The following COL1A2 variants were observed in gnomAD, a reference collection of about 807,000 sequenced individuals.
COL1A2 encodes the protein collagen type I alpha 2 chain.
In COL1A2, 49 loss-of-function variants were observed where a neutral mutation model predicts 174.3. That is an observed-to-expected ratio of 0.28 (90% CI 0.22 to 0.36). COL1A2 has a LOEUF of 0.36. COL1A2 is among the 10% of genes least tolerant of loss of function. The pLI, the probability that COL1A2 is intolerant of heterozygous loss-of-function variation, is 1.00. For synonymous variants in COL1A2, 655 were observed against 606.6 expected, an observed-to-expected ratio of 1.08 and a Z score of -1.17; for missense variants, 1,438 against 1,822.7, an observed-to-expected ratio of 0.79 and a Z score of 3.84.
chr7:94,416,307 C>A, intron 30 of COL1A2, 98 bp from the exon 31 acceptor site: 2 of 1,059,450 alleles, frequency 1.9e-6, no homozygotes, highest in South Asian at 3.0e-5. Context: ...AAATGCAAAC[C>A]AGGGCTCGGA....
Position 94,427,871 on chromosome 7 carries a change from C to T in COL1A2, c.3512C>T (p.Pro1171Leu), listed in dbSNP as rs555926867. Reference protein sequence around the residue: ...RTCRDLRLSHPEWSSGYYWID... With the variant: ...RTCRDLRLSHLEWSSGYYWID... ...TGCCGTGACTTGAGACTCAGCCACC[C>T]AGAGTGGAGCAGTGGTAGGTCAAGA... The change falls in exon 49 of 52, where the codon CCA becomes CTA. Residue 1171 changes from proline to leucine, a missense_variant. Pro to Leu is a moderately conservative substitution (Grantham distance 98, BLOSUM62 -3). This residue lies in a region of COL1A2 where 290 missense variants were observed against 298.1 expected (regional missense o/e 0.97). Coordinates refer to ENST00000297268, the MANE Select transcript of COL1A2 (RefSeq NM_000089.4). 1 of 1,614,112 alleles carries T rather than the reference C, an allele frequency of 6.2e-7. No homozygotes were observed. The highest frequency in any genetic ancestry group is 2.2e-5 in the East Asian group (1 of 44,852).
At chr7:94,427,420 A>G (rs912836822) in intron 48 of COL1A2, 125 bp downstream of exon 48, 8 of 1,111,234 alleles carry the variant, frequency 7.2e-6, no homozygotes, top group Middle Eastern at 5.6e-4. Flanking sequence ...CCTCTAAAAT[A>G]TCTGGAAATT....
intron 42 of COL1A2, 60 bp from the exon 43 acceptor site, chr7:94,425,550 T>C (rs1187521753): frequency 2.0e-6 from 3 of 1,531,292 alleles, no homozygotes; most frequent in South Asian, 2.2e-5. Context: ...AGCTACAACA[T>C]AGGGGCTGGT....
At chr7:94,421,180 A>G in intron 38 of COL1A2, 118 bp downstream of exon 38, 2 of 984,392 alleles carry the variant, frequency 2.0e-6, no homozygotes, top group East Asian at 2.5e-5. Context: ...TTGAGATTCA[A>G]GTTCATTCTA....
At chr7:94,412,343 G>A (rs1246410758) in intron 24 of COL1A2, among the ~76,000 whole-genome samples, 1 of 151,838 alleles carries the variant, frequency 6.6e-6, no homozygotes, top group African/African-American at 2.4e-5. Context: ...AATTGAAGCA[G>A]GTGACAAGGG....
chr7:94,429,827 C>A (rs1189608823), intron 51 of COL1A2: 9 of 251,152 alleles, frequency 3.6e-5, no homozygotes, highest in Middle Eastern at 1.4e-3. Flanking sequence ...ATTAGTATGG[C>A]CTACATTTAA....
At position 94,398,589 on chromosome 7, in the gene COL1A2, CTG is replaced by C. The variant is rs1584312467; in HGVS notation, c.96+195_96+196del. Among the ~76,000 whole-genome samples, 3 of 151,764 alleles carry C rather than the reference CTG, an allele frequency of 2.0e-5. No individual in the cohort carries two copies. The East Asian group carries it at 5.8e-4, about 29-fold the overall frequency. On this transcript the variant is annotated intron_variant, in intron 3 of 51. Coordinates refer to ENST00000297268, the MANE Select transcript of COL1A2 (RefSeq NM_000089.4). ...AAGTTTAATTATCTTCTGGAATCATCTGTAATTACATTTATGTGATACAAACT... is the reference window on the plus strand; with the variant it reads ...AAGTTTAATTATCTTCTGGAATCATCTAATTACATTTATGTGATACAAACT...
At chr7:94,408,450 C>G in intron 15 of COL1A2, 70 bp downstream of exon 15, 1 of 1,515,178 alleles carries the variant, frequency 6.6e-7, no homozygotes, top group East Asian at 2.3e-5. Flanking sequence ...CTTCATTAAT[C>G]TCTTACGAAA....
At position 94,430,666 on chromosome 7, in the gene COL1A2, A is replaced by T. The variant is rs978280804; in HGVS notation, c.*273A>T. 5.0e-6 allele frequency: 2 copies of T among 402,870 alleles called. No homozygotes were observed. The highest frequency in any genetic ancestry group is 4.1e-5 in the African/African-American group (2 of 48,834). 25.0% of individuals were successfully genotyped at this position (402,870 alleles called of 1,614,324 possible). A position where few individuals can be genotyped will look rare whatever the true frequency, so the allele number is the denominator to read the frequency against. On this transcript the variant is annotated 3_prime_UTR_variant, in exon 52 of 52. Transcript: ENST00000297268. ...AAATGTCAACCTTTGTAAGAAAACCAAAATAAAAATTGAAAAATAAAAACC... is the reference window on the plus strand; with the variant it reads ...AAATGTCAACCTTTGTAAGAAAACCTAAATAAAAATTGAAAAATAAAAACC...
intron 50 of COL1A2, 56 bp from the exon 51 acceptor site, chr7:94,429,132 C>G: frequency 2.2e-6 from 2 of 893,378 alleles, no homozygotes; most frequent in Non-Finnish European, 1.6e-6. Flanking sequence ...TCATGTTTGA[C>G]TCTTAGTATC....
chr7:94,412,041 A>C, intron 23 of COL1A2, 27 bp from the exon 24 acceptor site: 1 of 1,597,778 alleles, frequency 6.3e-7, no homozygotes, highest in Non-Finnish European at 8.6e-7. Flanking sequence ...AAGTGCCAAT[A>C]TAAAAACATC....
At chr7:94,396,818 C>T (rs1791594300) in intron 1 of COL1A2, among the ~76,000 whole-genome samples, 1 of 152,146 alleles carries the variant, frequency 6.6e-6, no homozygotes, top group African/African-American at 2.4e-5. Flanking sequence ...CAGATGTTCT[C>T]ACTTCAAATA....
chr7:94,409,770 T>G lies in COL1A2; in HGVS notation c.984T>G (p.Gly328=). The G allele has an allele frequency of 6.2e-7, 1 of 1,614,158 alleles. No homozygotes were observed. Among genetic ancestry groups the G allele is most frequent in the Non-Finnish European group, 8.5e-7 (1 of 1,180,030 alleles). Residue 328 remains glycine (G), a synonymous_variant, in exon 19 of 52, where the codon GGT becomes GGG. Transcript: ENST00000297268. Reference sequence around the variant, plus strand: ...CTCCCGGCCTCCCTGGACCCCGCGGTATTCCTGGCCCTGTTGGTGCTGCCG... The same window carrying G: ...CTCCCGGCCTCCCTGGACCCCGCGGGATTCCTGGCCCTGTTGGTGCTGCCG... ...AGAPGLPGPR[G]IPGPVGAAGA...
At chr7:94,427,984 A>G in intron 49 of COL1A2, 99 bp downstream of exon 49, 1 of 1,297,742 alleles carries the variant, frequency 7.7e-7, no homozygotes, top group South Asian at 1.3e-5. Context: ...ATTTGGGTAA[A>G]GATTACATTA....
chr7:94,395,467 C>G, intron 1 of COL1A2: 1 of 357,228 alleles, frequency 2.8e-6, no homozygotes, highest in South Asian at 2.2e-5. Flanking sequence ...GCCCCATAAC[C>G]GCACTGATGT....
In COL1A2 at chr7:94,430,158, A is replaced by AC. The variant is rs1421949062; in HGVS notation, c.3955-88dup. 4 of 1,302,514 alleles carry AC rather than the reference A, an allele frequency of 3.1e-6. No individual in the cohort carries two copies. The African/African-American group carries it at 5.8e-5, about 19-fold the overall frequency. The allele number at this position is 1,302,514 out of a possible 1,614,324, so 80.7% of individuals were successfully genotyped here. On this transcript the variant is annotated intron_variant, in intron 51 of 51. Transcript: ENST00000297268. The stretch of plus-strand genomic sequence containing the variant: ...ACATCTTCAGAATGACACATGCCAA[A>AC]CAGTGGTTCTTATTAAATCAAAGGT...
intron 51 of COL1A2, chr7:94,429,952 A>T: frequency 2.2e-6 from 1 of 452,288 alleles, no homozygotes; most frequent in Non-Finnish European, 4.0e-6. Context: ...AGAGGGACAT[A>T]CACACAACAA....
Position 94,423,983 on chromosome 7 carries a change from T to C in COL1A2, c.2566-353T>C, listed in dbSNP as rs1792222755. 9 of 269,642 alleles carry C rather than the reference T, an allele frequency of 3.3e-5. 1 individual carries two copies. The South Asian group carries it at 3.6e-4, about 11-fold the overall frequency. 16.7% of individuals were successfully genotyped at this position (269,642 alleles called of 1,614,324 possible). On this transcript the variant is annotated intron_variant, in intron 40 of 51. Coordinates refer to ENST00000297268, the MANE Select transcript of COL1A2 (RefSeq NM_000089.4). ...TTTTAGTTTTTTGAGGAACCCCTCCTACTATGTACAACTATTATGTATCCA... is the reference window on the plus strand; with the variant it reads ...TTTTAGTTTTTTGAGGAACCCCTCCCACTATGTACAACTATTATGTATCCA...
chr7:94,410,662 A>T, intron 21 of COL1A2, 135 bp downstream of exon 21: 1 of 917,506 alleles, frequency 1.1e-6, no homozygotes, highest in South Asian at 1.4e-5. Flanking sequence ...GCCTTATTAA[A>T]TCAGTGACTC....
Sources: gnomAD v4.1 joint callset for allele counts (sites outside exome capture counted in the v4.1 genomes callset) on GRCh38, gnomAD v4.1.1 for gene constraint, gnomAD v4.1.1 regional missense constraint, MANE v1.5 for transcripts, NCBI Gene and HGNC (gene_info 2026-07-23, HGNC 2026-07-21) for gene names.